THEM5: variants seen among roughly 807,000 people sequenced by gnomAD.
The protein encoded by THEM5 is thioesterase superfamily member 5.
In THEM5, 28 loss-of-function variants were observed where a neutral mutation model predicts 24.2. The ratio of observed to expected loss-of-function variants is 1.16; its 90% CI spans 0.86 to 1.59. The LOEUF (loss-of-function observed/expected upper bound fraction) is 1.59. Ranked by LOEUF, THEM5 falls within the 40% of genes most tolerant of loss-of-function variation. The probability of loss-of-function intolerance (pLI) is 0.00; values close to 1 mark genes in which losing one functional copy is unlikely to be tolerated. For synonymous variants in THEM5, 87 were observed against 114.5 expected, an observed-to-expected ratio of 0.76 and a Z score of 1.53; for missense variants, 260 against 296.8, an observed-to-expected ratio of 0.88 and a Z score of 0.91.
chr1:151,848,021 C>T (rs1652996184), intron 4 of THEM5, among the ~76,000 whole-genome samples, 159 bp from the exon 5 acceptor site: 1 of 152,158 alleles, frequency 6.6e-6, no homozygotes, highest in Admixed American at 6.5e-5. Context: ...AGTTGGACAG[C>T]AGAGGCTGTG....
rs553710755 is a variant in THEM5 at position 151,848,420 on chromosome 1, C to T, written c.465-128G>A. On this transcript the variant is annotated intron_variant, in intron 3 of 5. Transcript: ENST00000368817. ...TTCCCTAGACCCTTCCAAACACAGA[C>T]GTTCAGCCTCAGGGCAGCCAAATAG... is the stretch of plus-strand genomic sequence containing the variant. The T allele has an allele frequency of 1.2e-4, 84 of 695,234 alleles. 1 individual carries two copies. The highest frequency in any genetic ancestry group is 1.1e-3 in the South Asian group (60 of 55,654). 43.1% of individuals were successfully genotyped at this position (695,234 alleles called of 1,614,324 possible).
At chr1:151,852,796 C>A (rs990891777) in intron 1 of THEM5, among the ~76,000 whole-genome samples, 1 of 152,196 alleles carries the variant, frequency 6.6e-6, no homozygotes, top group African/African-American at 2.4e-5. Flanking sequence ...CCTCACTGTA[C>A]AGATGGGGAA....
At chr1:151,851,237 G>C in intron 2 of THEM5, 46 bp from the exon 3 acceptor site, 1 of 1,612,992 alleles carries the variant, frequency 6.2e-7, no homozygotes, top group Non-Finnish European at 8.5e-7. Flanking sequence ...GGAGGGTATG[G>C]TCAGGATGCA....
chr1:151,849,093 G>A (rs1364492982), intron 3 of THEM5, among the ~76,000 whole-genome samples: 2 of 151,948 alleles, frequency 1.3e-5, no homozygotes, highest in Admixed American at 1.3e-4. Context: ...GGTGGCAAGC[G>A]CCTGTAACTC....
At position 151,847,182 on chromosome 1, in the gene THEM5, C is replaced by T. The variant is rs764006124; in HGVS notation, c.*189G>A. 1 of 876,848 alleles carries T rather than the reference C, an allele frequency of 1.1e-6. No individual in the cohort carries two copies. The highest frequency in any genetic ancestry group is 1.9e-6 in the Non-Finnish European group (1 of 528,222). 54.3% of individuals were successfully genotyped at this position (876,848 alleles called of 1,614,324 possible). ...ATTGCTGCTTGAGGACCCCTCCCTG[C>T]TCTTTGATGGGTCCCAGGCAGGCAG... On this transcript the variant is annotated 3_prime_UTR_variant, in exon 6 of 6. Transcript: ENST00000368817.
intron 5 of THEM5, 26 bp downstream of exon 5, chr1:151,847,712 T>C: frequency 6.3e-7 from 1 of 1,593,124 alleles, no homozygotes; most frequent in Non-Finnish European, 8.5e-7. Flanking sequence ...GGACGGGGCC[T>C]GGGGCTGGGC....
chr1:151,849,665 C>G (rs1050593955), intron 3 of THEM5, among the ~76,000 whole-genome samples: 3 of 152,230 alleles, frequency 2.0e-5, no homozygotes, highest in African/African-American at 7.2e-5. Flanking sequence ...ACTTCCCTGT[C>G]TGCCTCCCAA....
chr1:151,847,600 A>C, intron 5 of THEM5, 138 bp downstream of exon 5: 1 of 1,360,478 alleles, frequency 7.4e-7, no homozygotes, highest in South Asian at 1.2e-5. Context: ...CTGTGTCCCT[A>C]GTAGGTGCCC....
chr1:151,850,458 C>A (rs1469666227), intron 3 of THEM5: 3 of 152,750 alleles, frequency 2.0e-5, no homozygotes, highest in African/African-American at 4.8e-5. Context: ...AGATTAGAGT[C>A]CTGGATCTGA....
chr1:151,853,016 G>A (rs1003870340), intron 1 of THEM5, among the ~76,000 whole-genome samples: 1 of 152,232 alleles, frequency 6.6e-6, no homozygotes, highest in Non-Finnish European at 1.5e-5. Context: ...CCACAGAGGT[G>A]TGGTGCCATG....
At chr1:151,847,711 C>T (rs770908148) in intron 5 of THEM5, 27 bp downstream of exon 5, 1 of 1,606,434 alleles carries the variant, frequency 6.2e-7, no homozygotes, top group Non-Finnish European at 8.5e-7. Context: ...GGGACGGGGC[C>T]TGGGGCTGGG....
chr1:151,848,333 G>T, intron 3 of THEM5, 41 bp from the exon 4 acceptor site: 4 of 1,519,562 alleles, frequency 2.6e-6, no homozygotes, highest in Non-Finnish European at 2.7e-6. Flanking sequence ...CTGGGCTGGG[G>T]CTGCTGGGCA....
intron 2 of THEM5, among the ~76,000 whole-genome samples, chr1:151,851,445 C>CT (rs1048257857): frequency 1.3e-5 from 2 of 152,248 alleles, no homozygotes; most frequent in Middle Eastern, 3.4e-3. Context: ...CAGGGCAAGA[C>CT]TTTAAGAGAC....
rs1044574361 is a variant in THEM5, at chr1:151,848,409, C to T, written c.465-117G>A. On this transcript the variant is annotated intron_variant, in intron 3 of 5. Coordinates refer to ENST00000368817, the MANE Select transcript of THEM5 (RefSeq NM_182578.4). ...TACCTTTCCCTTTCCCTAGACCCTT[C>T]CAAACACAGACGTTCAGCCTCAGGG... is the stretch of plus-strand genomic sequence containing the variant. The T allele has an allele frequency of 6.5e-6, 5 of 764,476 alleles. No individual in the cohort carries two copies. The African/African-American group carries it at 8.7e-5, about 13-fold the overall frequency. The allele number at this position is 764,476 out of a possible 1,614,324, so 47.4% of individuals were successfully genotyped here.
Position 151,853,661 on chromosome 1 carries a change from C to A in THEM5, c.-96G>T. On this transcript the variant is annotated 5_prime_UTR_variant, in exon 1 of 6. Transcript: ENST00000368817. ...GCACTTGGGGCCGCTTCTCTCCCTT[C>A]TGTTGCAGGCTTTCTTTCAGAGAGC... 6.9e-7 allele frequency: 1 copy of A among 1,442,144 alleles called. No homozygotes were observed. The highest frequency in any genetic ancestry group is 9.2e-7 in the Non-Finnish European group (1 of 1,087,424). 89.3% of individuals were successfully genotyped at this position (1,442,144 alleles called of 1,614,324 possible).
chr1:151,851,369 G>A (rs1653116645), intron 2 of THEM5, among the ~76,000 whole-genome samples, 178 bp from the exon 3 acceptor site: 1 of 152,168 alleles, frequency 6.6e-6, no homozygotes, highest in African/African-American at 2.4e-5. Flanking sequence ...TCCTCACAGA[G>A]CCTTTCTGTC....
chr1:151,852,935 G>A (rs1022147162), intron 1 of THEM5, among the ~76,000 whole-genome samples: 1 of 152,214 alleles, frequency 6.6e-6, no homozygotes, highest in African/African-American at 2.4e-5. Flanking sequence ...CACCTCAGGG[G>A]CTACTCCAGC....
At chr1:151,850,564 A>G (rs185124659) in intron 3 of THEM5, among the ~76,000 whole-genome samples, 95 of 152,310 alleles carry the variant, frequency 6.2e-4, no homozygotes, top group Non-Finnish European at 7.4e-4. Context: ...GAAGTGTCTG[A>G]TAGCTGTACT....
chr1:151,852,567 T>A (rs930757244), intron 1 of THEM5, 108 bp from the exon 2 acceptor site: 71 of 1,043,792 alleles, frequency 6.8e-5, no homozygotes, highest in Non-Finnish European at 1.0e-4. Flanking sequence ...TCTCAATCCC[T>A]TCTGCCAGAG....
Sources: gnomAD v4.1 joint callset for allele counts (sites outside exome capture counted in the v4.1 genomes callset) on GRCh38, gnomAD v4.1.1 for gene constraint, MANE v1.5 for transcripts, NCBI Gene and HGNC (gene_info 2026-07-23, HGNC 2026-07-21) for gene names.